The following ZNF185 variants were observed in gnomAD, a reference collection of about 807,000 sequenced individuals.
ZNF185 encodes the protein zinc finger protein 185.
ZNF185 carries 56 observed loss-of-function variants against 58.6 expected under a neutral mutation model. That is an observed-to-expected ratio of 0.95 (90% CI 0.77 to 1.19). The LOEUF is 1.19. ZNF185 is among the 50% of genes most tolerant of loss of function. The probability of loss-of-function intolerance (pLI) is 0.00; values close to 1 mark genes in which losing one functional copy is unlikely to be tolerated. For synonymous variants in ZNF185, 230 were observed against 215.9 expected, an observed-to-expected ratio of 1.07 and a Z score of -0.57; for missense variants, 627 against 573.5, an observed-to-expected ratio of 1.09 and a Z score of -0.95.
At chrX:152,948,149 T>C (rs2125791394) in intron 16 of ZNF185, among the ~76,000 whole-genome samples, 1 of 111,921 alleles carries the variant, frequency 8.9e-6, no homozygotes, top group Admixed American at 9.5e-5. Flanking sequence ...AACTTTCCAG[T>C]GCTCTGTAGA....
intron 12 of ZNF185, 130 bp from the exon 14 acceptor site, chrX:152,931,542 G>A: frequency 3.9e-6 from 2 of 507,817 alleles, no homozygotes; most frequent in Non-Finnish European, 6.4e-6. Context: ...ATAGGCGTGA[G>A]CCACTGCACC....
chrX:152,938,159 A>G (rs781844375), exon 15 of ZNF185: 15 of 1,180,741 alleles, frequency 1.3e-5, no homozygotes, highest in Admixed American at 2.4e-5. Context: ...GGCAGACCCA[A>G]AGGGGTAAGG....
At chrX:152,936,098 C>G (rs2046250088) in intron 14 of ZNF185, among the ~76,000 whole-genome samples, 1 of 112,368 alleles carries the variant, frequency 8.9e-6, no homozygotes, top group Admixed American at 9.4e-5. Flanking sequence ...TCTCAGAATA[C>G]TTACGAGACA....
At chrX:152,938,906 TAAAGAGG>T (rs2046772838) in intron 15 of ZNF185, among the ~76,000 whole-genome samples, 1 of 83,231 alleles carries the variant, frequency 1.2e-5, no homozygotes, top group African/African-American at 5.9e-5. Flanking sequence ...CGATCTCCTC[TAAAGAGG>T]AGAAGGAGCC....
chrX:152,923,806 A>G (rs1940273055), intron 11 of ZNF185, among the ~76,000 whole-genome samples: 1 of 111,929 alleles, frequency 8.9e-6, no homozygotes, highest in South Asian at 3.8e-4. Flanking sequence ...CTTACCTCCT[A>G]CTGTGCAGCC....
chrX:152,951,025 G>T (rs5925261), intron 16 of ZNF185, among the ~76,000 whole-genome samples: 42,117 of 109,931 alleles, frequency 0.38, 6,871 homozygotes, highest in African/African-American at 0.64. Flanking sequence ...TTAGGCAGAT[G>T]ACTCAGAAGA....
At chrX:152,914,947 C>A in intron 2 of ZNF185, 114 bp downstream of exon 3, 1 of 1,039,225 alleles carries the variant, frequency 9.6e-7, no homozygotes, top group Non-Finnish European at 1.3e-6. Context: ...TCCGCCAGGC[C>A]ATGTGGAGGG....
intron 11 of ZNF185, among the ~76,000 whole-genome samples, chrX:152,927,308 G>GTTTTA (rs1941046485): frequency 1.8e-5 from 2 of 111,935 alleles, no homozygotes; most frequent in Non-Finnish European, 3.8e-5. Flanking sequence ...CATGATGGGA[G>GTTTTA]AGGCCTTGTC....
intron 12 of ZNF185, among the ~76,000 whole-genome samples, chrX:152,930,516 C>T (rs1441652920): frequency 2.7e-5 from 3 of 111,206 alleles, no homozygotes; most frequent in African/African-American, 9.8e-5. Context: ...GACAGCTGGG[C>T]GAGGGCAGTC....
intron 15 of ZNF185, among the ~76,000 whole-genome samples, chrX:152,941,512 G>T (rs1305664837): frequency 8.8e-6 from 1 of 113,020 alleles, no homozygotes; most frequent in East Asian, 2.8e-4. Context: ...CACCTTCCCC[G>T]AAATCTGGGT....
intron 16 of ZNF185, among the ~76,000 whole-genome samples, chrX:152,948,937 AGAG>A (rs1569511652): frequency 8.9e-6 from 1 of 111,945 alleles, no homozygotes; most frequent in African/African-American, 3.2e-5. Flanking sequence ...AGCAGGGAGA[AGAG>A]GAAGTGCTTA....
chrX:152,931,006 T>C (rs1269554603), intron 12 of ZNF185, among the ~76,000 whole-genome samples: 1 of 111,574 alleles, frequency 9.0e-6, no homozygotes, highest in African/African-American at 3.3e-5. Flanking sequence ...ACAGGGGCTT[T>C]GTGTGCCTCC....
At chrX:152,970,206 A>G (rs1208520646) in intron 21 of ZNF185, among the ~76,000 whole-genome samples, 1 of 111,484 alleles carries the variant, frequency 9.0e-6, no homozygotes, top group Non-Finnish European at 1.9e-5. Flanking sequence ...CTGGCCCTTG[A>G]AAGTAGCTGA....
intron 15 of ZNF185, among the ~76,000 whole-genome samples, chrX:152,941,153 G>A (rs1556888972): frequency 8.9e-6 from 1 of 112,022 alleles, no homozygotes. Context: ...TCCATCATGT[G>A]TCTTTTTCAA....
intron 16 of ZNF185, among the ~76,000 whole-genome samples, chrX:152,956,864 TATAG>T (rs1410061516): frequency 1.8e-5 from 2 of 112,508 alleles, no homozygotes; most frequent in African/African-American, 6.5e-5. Context: ...AATAAAACCT[TATAG>T]ACAAATGTAT....
At chrX:152,915,111 A>G in intron 2 of ZNF185, 27 bp from the exon 4 acceptor site, 1 of 1,205,698 alleles carries the variant, frequency 8.3e-7, no homozygotes, top group Non-Finnish European at 1.1e-6. Flanking sequence ...CTCGGAGCCA[A>G]TCCTTCAGGA....
At chrX:152,929,435 C>T (rs1941531581) in intron 12 of ZNF185, among the ~76,000 whole-genome samples, 1 of 111,017 alleles carries the variant, frequency 9.0e-6, no homozygotes, top group South Asian at 3.8e-4. Context: ...ATCCCTTAAT[C>T]CCTGGGGTGG....
chrX:152,918,718 A>G (rs1160508081), intron 6 of ZNF185, among the ~76,000 whole-genome samples: 2 of 111,801 alleles, frequency 1.8e-5, no homozygotes, highest in African/African-American at 3.3e-5. Context: ...TTGTGTCTCT[A>G]GTTCCCAGGG....
chrX:152,926,961 G>A (rs1421595005), intron 11 of ZNF185, among the ~76,000 whole-genome samples: 5 of 112,158 alleles, frequency 4.5e-5, no homozygotes, highest in African/African-American at 1.3e-4. Flanking sequence ...GCTTGCGCCC[G>A]CCTCACTCCC....
Sources: allele counts gnomAD v4.1 joint callset (sites outside exome capture counted in the v4.1 genomes callset), GRCh38; gene constraint gnomAD v4.1.1; transcripts MANE v1.5; gene names NCBI Gene and HGNC (gene_info 2026-07-23, HGNC 2026-07-21).